The following FARP1 variants were observed in gnomAD, a reference collection of about 807,000 sequenced individuals.
FARP1 encodes the protein FERM, ARH/RhoGEF and pleckstrin domain protein 1.
A neutral mutation model predicts 128.8 loss-of-function variants in FARP1; 52 were observed. The observed-to-expected ratio is 0.40, with a 90% CI of 0.32 to 0.51. The LOEUF is 0.51. FARP1 is among the 20% of genes least tolerant of loss of function. The pLI, the probability that FARP1 is intolerant of heterozygous loss-of-function variation, is 0.45. For missense variants in FARP1, 1,333 were observed against 1,367.9 expected, an observed-to-expected ratio of 0.97 and a Z score of 0.40; for synonymous variants, 580 against 551.8, an observed-to-expected ratio of 1.05 and a Z score of -0.72.
In FARP1 at chr13:98,213,335, G is replaced by A. The variant is rs766997945; in HGVS notation, c.93G>A (p.Pro31=). ...GTACCTTGGAACGTGGACAGAAGCC[G>A]CCCCCAACACCTTCAGGAAAACTCG... The part of the protein sequence containing the change: ...GISTLERGQK[P]PPTPSGKLVS... The change falls in exon 2 of 27, where the codon CCG becomes CCA. Residue 31 remains proline (P), a synonymous_variant. Transcript: ENST00000319562. The A allele has an allele frequency of 4.3e-6, 7 of 1,614,102 alleles. No individual in the cohort carries two copies. Among genetic ancestry groups the A allele is most frequent in the South Asian group, 2.2e-5 (2 of 91,070 alleles).
rs1566946166 is a variant in FARP1 at position 98,390,895 on chromosome 13, A to C, written c.1088+15A>C. On this transcript the variant is annotated intron_variant, in intron 11 of 26. Transcript: ENST00000319562. Reference sequence around the variant, plus strand: ...CAGTTTGAAAGGTAAGAGAAGCTTCAATGCTACTTCCAGTCTGAGAAGGCT... The same window carrying C: ...CAGTTTGAAAGGTAAGAGAAGCTTCCATGCTACTTCCAGTCTGAGAAGGCT... 1 of 1,580,576 alleles carries C rather than the reference A, an allele frequency of 6.3e-7. No homozygotes were observed. The highest frequency in any genetic ancestry group is 8.7e-7 in the Non-Finnish European group (1 of 1,149,610).
In FARP1 at chr13:98,388,330, C is replaced by T. The variant is rs557905233; in HGVS notation, c.760-53C>T. The T allele has an allele frequency of 1.8e-4, 246 of 1,395,292 alleles. 3 individuals are homozygous for T. In the South Asian group the frequency reaches 2.8e-3, roughly 16 times the overall value. The allele number at this position is 1,395,292 out of a possible 1,614,324, so 86.4% of individuals were successfully genotyped here. Reference sequence around the variant, plus strand: ...TCCCATAAGCAAAACAGACCAACTCCCAAGTTGCTTGTTATGCATTTCCTG... The same window carrying T: ...TCCCATAAGCAAAACAGACCAACTCTCAAGTTGCTTGTTATGCATTTCCTG... On this transcript the variant is annotated intron_variant, in intron 8 of 26. Coordinates refer to ENST00000319562, the MANE Select transcript of FARP1 (RefSeq NM_005766.4).
In FARP1 at chr13:98,173,489, G is replaced by A. The variant is rs1224004891; in HGVS notation, c.-24+29997G>A. On this transcript the variant is annotated intron_variant, in intron 1 of 26. Coordinates refer to ENST00000319562, the MANE Select transcript of FARP1 (RefSeq NM_005766.4). ...GTGACCTTGGAATGCAGGCCTGTGA[G>A]GCATTTTCAGGATTTCAGAAGGCCT... is the stretch of plus-strand genomic sequence containing the variant. Among the ~76,000 whole-genome samples, 3 of 152,156 alleles carry A rather than the reference G, an allele frequency of 2.0e-5. No homozygotes were observed. In the East Asian group the frequency reaches 5.8e-4, roughly 29 times the overall value.
chr13:98,217,885 C>G (rs1881178281), intron 2 of FARP1, among the ~76,000 whole-genome samples: 1 of 152,202 alleles, frequency 6.6e-6, no homozygotes, highest in Non-Finnish European at 1.5e-5. Context: ...GGTCGTTTAA[C>G]TATACGAGAG....
intron 25 of FARP1, chr13:98,446,421 G>GT: frequency 1.7e-6 from 1 of 601,808 alleles, no homozygotes; most frequent in South Asian, 2.0e-5. Context: ...GCCCTAGGAA[G>GT]GGCCACCTGT....
intron 1 of FARP1, among the ~76,000 whole-genome samples, chr13:98,192,649 C>A (rs2139239505): frequency 6.6e-6 from 1 of 152,226 alleles, no homozygotes. Flanking sequence ...CCACAGCCTC[C>A]CAAAGTGCTG....
At chr13:98,440,352 T>C in intron 23 of FARP1, 117 bp downstream of exon 23, 1 of 780,860 alleles carries the variant, frequency 1.3e-6, no homozygotes, top group Admixed American at 2.0e-5. Context: ...ACATTTGTGT[T>C]TAAAGCCAAA....
intron 2 of FARP1, among the ~76,000 whole-genome samples, chr13:98,272,026 A>G: frequency 6.6e-6 from 1 of 151,136 alleles, no homozygotes; most frequent in East Asian, 2.0e-4. Flanking sequence ...CTCAAAATAC[A>G]TTTTTTTTTC....
intron 6 of FARP1, among the ~76,000 whole-genome samples, chr13:98,380,659 G>T (rs530488064): frequency 4.6e-5 from 7 of 151,722 alleles, no homozygotes; most frequent in African/African-American, 1.7e-4. Flanking sequence ...CTGCAGCCTC[G>T]ACCTCCTGGA....
In FARP1 at chr13:98,210,961, A is replaced by G. The variant is rs542950567; in HGVS notation, c.-23-2259A>G. 3.9e-5 allele frequency among the ~76,000 whole-genome samples: 6 copies of G among 152,328 alleles called. No homozygotes were observed. The East Asian group carries it at 9.6e-4, about 24-fold the overall frequency. ...CTTTTGATTTCCATTGCTGCTGTCCAGATTGGCACTTCAAGCATGAATTGT... is the reference window on the plus strand; with the variant it reads ...CTTTTGATTTCCATTGCTGCTGTCCGGATTGGCACTTCAAGCATGAATTGT... On this transcript the variant is annotated intron_variant, in intron 1 of 26. Coordinates refer to ENST00000319562, the MANE Select transcript of FARP1 (RefSeq NM_005766.4).
chr13:98,301,365 T>C (rs7334751), intron 2 of FARP1, among the ~76,000 whole-genome samples: 134,337 of 152,192 alleles, frequency 0.88, 59,350 homozygotes, highest in East Asian at 1. Flanking sequence ...GTCAGACAGG[T>C]CTGCTTGGCA....
Position 98,431,246 on chromosome 13 carries a change from C to A in FARP1, c.2109C>A (p.His703Gln). The A allele has an allele frequency of 1.3e-6, 2 of 1,580,998 alleles. No individual in the cohort carries two copies. The highest frequency in any genetic ancestry group is 1.7e-6 in the Non-Finnish European group (2 of 1,164,762). Residue 703 changes from histidine (H) to glutamine (Q), a missense_variant, in exon 18 of 27, where the codon CAC becomes CAA. This residue lies in a region of FARP1 where 1,009 missense variants were observed against 969.8 expected (regional missense o/e 1.04). Coordinates refer to ENST00000319562, the MANE Select transcript of FARP1 (RefSeq NM_005766.4). Reference protein sequence around the residue: ...KQVLERLCKHHPPSHADFRDC... With the variant: ...KQVLERLCKHQPPSHADFRDC... ...TCCTGGAGCGGCTGTGCAAACACCA[C>A]CCGCCGAGCCACGCCGACTTCAGGG... is the stretch of plus-strand genomic sequence containing the variant.
intron 1 of FARP1, among the ~76,000 whole-genome samples, chr13:98,191,285 C>A (rs751594441): frequency 3.9e-5 from 6 of 152,198 alleles, no homozygotes; most frequent in Admixed American, 6.5e-5. Context: ...GAGTCTCGGA[C>A]TGGGTGAAAC....
chr13:98,266,016 T>TA (rs1884096224), intron 2 of FARP1, among the ~76,000 whole-genome samples: 1 of 152,184 alleles, frequency 6.6e-6, no homozygotes, highest in Non-Finnish European at 1.5e-5. Flanking sequence ...AACAATAGGC[T>TA]AAAAACAGCC....
At chr13:98,239,297 A>G (rs754878540) in intron 2 of FARP1, among the ~76,000 whole-genome samples, 1 of 152,170 alleles carries the variant, frequency 6.6e-6, no homozygotes, top group Non-Finnish European at 1.5e-5. Flanking sequence ...TCATCCCATC[A>G]TAAAAACTGG....
At chr13:98,306,642 G>A (rs533086361) in intron 2 of FARP1, among the ~76,000 whole-genome samples, 1 of 151,720 alleles carries the variant, frequency 6.6e-6, no homozygotes, top group South Asian at 2.1e-4. Context: ...AGCCTCCTGA[G>A]TAGCTGGGAC....
chr13:98,347,880 G>A (rs1888246468), intron 3 of FARP1, among the ~76,000 whole-genome samples: 1 of 152,058 alleles, frequency 6.6e-6, no homozygotes, highest in South Asian at 2.1e-4. Context: ...GTGATGTGTG[G>A]GAAACTAGTT....
intron 2 of FARP1, among the ~76,000 whole-genome samples, chr13:98,213,711 G>GTA (rs1177218644): frequency 3.3e-5 from 5 of 152,134 alleles, no homozygotes; most frequent in African/African-American, 4.8e-5. Flanking sequence ...TATATGTTAT[G>GTA]TATATATATG....
At chr13:98,262,050 C>G (rs1425803744) in intron 2 of FARP1, among the ~76,000 whole-genome samples, 2 of 127,996 alleles carry the variant, frequency 1.6e-5, no homozygotes, top group South Asian at 2.8e-4. Flanking sequence ...GAGTCTTACT[C>G]TGTCACCCAG....
Sources: allele counts gnomAD v4.1 joint callset (sites outside exome capture counted in the v4.1 genomes callset), GRCh38; gene constraint gnomAD v4.1.1; regional missense constraint gnomAD v4.1.1; transcripts MANE v1.5; gene names NCBI Gene and HGNC (gene_info 2026-07-23, HGNC 2026-07-21).